The following CRIM1 variants were observed in gnomAD, a reference collection of about 807,000 sequenced individuals.
CRIM1 encodes the protein cysteine-rich motor neuron 1 protein.
In CRIM1, 32 loss-of-function variants were observed where a neutral mutation model predicts 116.4. The ratio of observed to expected loss-of-function variants is 0.27; its 90% CI spans 0.21 to 0.37. The LOEUF (loss-of-function observed/expected upper bound fraction) is 0.37, where lower values mean the gene tolerates loss of function less well. Among genes scored for constraint, CRIM1 ranks in the 10% least tolerant of loss-of-function variants. CRIM1 has a pLI of 1.00. For synonymous variants in CRIM1, 590 were observed against 509.2 expected (o/e 1.16, Z -2.13); for missense variants, 1,331 against 1,354.8 (o/e 0.98, Z 0.28).
chr2:36,547,855 A>C (rs1667460806), intron 16 of CRIM1, among the ~76,000 whole-genome samples: 1 of 152,208 alleles, frequency 6.6e-6, no homozygotes, highest in South Asian at 2.1e-4. Flanking sequence ...TTCCAACTCT[A>C]ATTCTACCTT....
Position 36,390,984 on chromosome 2 carries a change from G to GT in CRIM1, c.332-5624dup, listed in dbSNP as rs369395831. Among the ~76,000 whole-genome samples the GT allele has an allele frequency of 2.4e-3, 368 of 151,582 alleles. 3 individuals are homozygous for GT. Among genetic ancestry groups the GT allele is most frequent in the African/African-American group, 8.4e-3 (348 of 41,296 alleles). On this transcript the variant is annotated intron_variant, in intron 1 of 16. Coordinates refer to ENST00000280527, the MANE Select transcript of CRIM1 (RefSeq NM_016441.3). ...GCCACCATACCCGGCTAATTTTTGT[G>GT]TTTTTTGTAGAGACAGGGTTTCGTC...
At chr2:36,358,304 CTT>C (rs2148267040) in intron 1 of CRIM1, among the ~76,000 whole-genome samples, 1 of 152,344 alleles carries the variant, frequency 6.6e-6, no homozygotes, top group East Asian at 1.9e-4. Context: ...AAAGATGCAT[CTT>C]TGAACCCTGC....
intron 4 of CRIM1, among the ~76,000 whole-genome samples, chr2:36,448,644 T>TTATTAAGATGAATGAACTTACAA (rs3836080): frequency 6.6e-6 from 1 of 151,910 alleles, no homozygotes; most frequent in African/African-American, 2.4e-5. Context: ...TTGTACCTTT[T>TTATTAAGATGAATGAACTTACAA]TATTATTGAC....
At chr2:36,425,119 C>T (rs1452022856) in intron 2 of CRIM1, among the ~76,000 whole-genome samples, 1 of 152,266 alleles carries the variant, frequency 6.6e-6, no homozygotes, top group Middle Eastern at 3.4e-3. Context: ...CTTGTTCTTC[C>T]GAGCTCAGTA....
chr2:36,524,807 C>A (rs1317585092), intron 13 of CRIM1, among the ~76,000 whole-genome samples: 1 of 152,022 alleles, frequency 6.6e-6, no homozygotes, highest in Non-Finnish European at 1.5e-5. Flanking sequence ...TGTAGTCTTT[C>A]TTTTTATTTT....
chr2:36,459,668 T>G (rs1190326307), intron 4 of CRIM1, among the ~76,000 whole-genome samples: 7 of 152,200 alleles, frequency 4.6e-5, no homozygotes, highest in African/African-American at 1.4e-4. Context: ...GTAGATGGTC[T>G]TAAGGTTGTG....
At chr2:36,465,965 A>G (rs1270761705) in intron 5 of CRIM1, among the ~76,000 whole-genome samples, 1 of 151,020 alleles carries the variant, frequency 6.6e-6, no homozygotes, top group Non-Finnish European at 1.5e-5. Context: ...GGCTCACTGC[A>G]AGCTCTGCCT....
At chr2:36,484,116 T>A (rs548139665) in intron 7 of CRIM1, among the ~76,000 whole-genome samples, 1 of 152,306 alleles carries the variant, frequency 6.6e-6, no homozygotes, top group African/African-American at 2.4e-5. Context: ...GACTGATGTG[T>A]ATTCTGTGGT....
At chr2:36,392,972 T>C (rs2148367379) in intron 1 of CRIM1, among the ~76,000 whole-genome samples, 1 of 152,350 alleles carries the variant, frequency 6.6e-6, no homozygotes, top group African/African-American at 2.4e-5. Context: ...CTGCTGCTGC[T>C]GCCAGGAAAC....
chr2:36,445,975 C>T (rs377222569), intron 4 of CRIM1, among the ~76,000 whole-genome samples: 2 of 152,266 alleles, frequency 1.3e-5, no homozygotes, highest in East Asian at 3.9e-4. Flanking sequence ...CTTATAAGAG[C>T]ATTGTTAAGA....
At chr2:36,381,224 A>T (rs1419478193) in intron 1 of CRIM1, among the ~76,000 whole-genome samples, 1 of 152,204 alleles carries the variant, frequency 6.6e-6, no homozygotes, top group African/African-American at 2.4e-5. Flanking sequence ...TGGCCTGGGA[A>T]ACAGGAAGGA....
intron 4 of CRIM1, among the ~76,000 whole-genome samples, chr2:36,447,034 C>A (rs1676298239): frequency 6.6e-6 from 1 of 152,196 alleles, no homozygotes; most frequent in Admixed American, 6.5e-5. Context: ...ATATAGATAA[C>A]AATAGCAGTC....
intron 11 of CRIM1, among the ~76,000 whole-genome samples, chr2:36,516,137 C>T (rs1665017315): frequency 1.3e-5 from 2 of 152,226 alleles, no homozygotes; most frequent in African/African-American, 4.8e-5. Flanking sequence ...ACCCTCTTAA[C>T]TGGAAATCAG....
intron 16 of CRIM1, among the ~76,000 whole-genome samples, chr2:36,547,849 A>T: frequency 6.6e-6 from 1 of 152,234 alleles, no homozygotes; most frequent in Non-Finnish European, 1.5e-5. Flanking sequence ...AATCCCTTCC[A>T]ACTCTAATTC....
intron 8 of CRIM1, among the ~76,000 whole-genome samples, chr2:36,500,032 G>C (rs1441098690): frequency 6.6e-6 from 1 of 152,006 alleles, no homozygotes; most frequent in Non-Finnish European, 1.5e-5. Context: ...CCACAATCAA[G>C]ATACTCCAGA....
chr2:36,379,250 T>C (rs931187907), intron 1 of CRIM1: 1 of 152,242 alleles, frequency 6.6e-6, no homozygotes, highest in Non-Finnish European at 1.5e-5. Flanking sequence ...GGTTCTTGTG[T>C]GGCAAAATTA....
rs78198813 is a variant in CRIM1, at chr2:36,489,393, G to A, written c.1372+9699G>A. On this transcript the variant is annotated intron_variant, in intron 7 of 16. Coordinates refer to ENST00000280527, the MANE Select transcript of CRIM1 (RefSeq NM_016441.3). ...TGGGATGGCCTCGGGCCTTGCATAC[G>A]GAGAGGGTCGGCAAGCTCAGATCTT... Among the ~76,000 whole-genome samples the A allele has an allele frequency of 4.3e-3, 655 of 152,306 alleles. 15 individuals carry two copies. The East Asian group carries it at 0.071, about 17-fold the overall frequency.
intron 6 of CRIM1, among the ~76,000 whole-genome samples, chr2:36,477,590 G>C (rs1401776705): frequency 6.6e-6 from 1 of 152,172 alleles, no homozygotes; most frequent in Non-Finnish European, 1.5e-5. Context: ...GTTCACATGG[G>C]GTCGTGGTAT....
At chr2:36,442,951 T>G (rs1675974320) in intron 4 of CRIM1, among the ~76,000 whole-genome samples, 1 of 152,160 alleles carries the variant, frequency 6.6e-6, no homozygotes, top group South Asian at 2.1e-4. Context: ...ACCTTATAGA[T>G]TCTTTCTGTA....
Sources: gnomAD v4.1 joint callset for allele counts (sites outside exome capture counted in the v4.1 genomes callset) on GRCh38, gnomAD v4.1.1 for gene constraint, MANE v1.5 for transcripts, NCBI Gene and HGNC (gene_info 2026-07-23, HGNC 2026-07-21) for gene names.